SLC7A14: variants seen among roughly 807,000 people sequenced by gnomAD.
The protein encoded by SLC7A14 is solute carrier family 7 member 14, also known as gamma-aminobutyric acid transporter SLC7A14.
A neutral mutation model predicts 60.2 loss-of-function variants in SLC7A14; 37 were observed. The ratio of observed to expected loss-of-function variants is 0.61; its 90% confidence interval spans 0.47 to 0.81. The LOEUF is 0.81. SLC7A14 is among the 30% of genes least tolerant of loss of function. The pLI, the probability that SLC7A14 is intolerant of heterozygous loss-of-function variation, is 0.00. For synonymous variants in SLC7A14, 399 were observed against 395.8 expected (o/e 1.01, Z -0.10); for missense variants, 886 against 982.7 (o/e 0.90, Z 1.32).
intron 1 of SLC7A14, among the ~76,000 whole-genome samples, chr3:170,542,615 G>A (rs542938066): frequency 1.3e-5 from 2 of 152,348 alleles, no homozygotes; most frequent in African/African-American, 4.8e-5. Context: ...AGCACTCAGT[G>A]TTGTTCAAGT....
chr3:170,574,525 T>A (rs1014407768), intron 1 of SLC7A14, among the ~76,000 whole-genome samples: 1 of 152,232 alleles, frequency 6.6e-6, no homozygotes, highest in African/African-American at 2.4e-5. Context: ...TCTGCCCTTT[T>A]TCTTCCTGAG....
intron 2 of SLC7A14, among the ~76,000 whole-genome samples, chr3:170,503,506 G>A (rs958578126): frequency 2.0e-5 from 3 of 152,154 alleles, no homozygotes; most frequent in African/African-American, 7.2e-5. Context: ...TGATGTGTGA[G>A]GAAGGAAGTG....
chr3:170,520,354 T>C (rs1430292293), intron 2 of SLC7A14, among the ~76,000 whole-genome samples: 1 of 152,208 alleles, frequency 6.6e-6, no homozygotes, highest in Non-Finnish European at 1.5e-5. Flanking sequence ...TAAGTGGTAG[T>C]TGCCACTATG....
At chr3:170,572,816 GT>G (rs1156399699) in intron 1 of SLC7A14, among the ~76,000 whole-genome samples, 1 of 152,204 alleles carries the variant, frequency 6.6e-6, no homozygotes, top group Non-Finnish European at 1.5e-5. Context: ...GGAATAGAAA[GT>G]GTGTCAAAAG....
At chr3:170,512,694 C>T (rs930129418) in intron 2 of SLC7A14, among the ~76,000 whole-genome samples, 16 of 108,520 alleles carry the variant, frequency 1.5e-4, no homozygotes, top group Admixed American at 1.3e-3. Flanking sequence ...GACGGAGTCT[C>T]GCTCTGTCGC....
At chr3:170,553,622 A>C (rs929147462) in intron 1 of SLC7A14, among the ~76,000 whole-genome samples, 2 of 152,232 alleles carry the variant, frequency 1.3e-5, no homozygotes, top group African/African-American at 4.8e-5. Flanking sequence ...GATGATGGAA[A>C]TGTCCGGTGG....
intron 2 of SLC7A14, among the ~76,000 whole-genome samples, chr3:170,512,427 G>A (rs897298008): frequency 6.6e-6 from 1 of 152,266 alleles, no homozygotes; most frequent in African/African-American, 2.4e-5. Flanking sequence ...CAACACACAG[G>A]GAGGGGAAGA....
At chr3:170,470,351 T>C (rs1246300639) in intron 7 of SLC7A14, among the ~76,000 whole-genome samples, 1 of 152,014 alleles carries the variant, frequency 6.6e-6, no homozygotes, top group African/African-American at 2.4e-5. Flanking sequence ...TGTGTGTGTG[T>C]CTGTGTCTGC....
intron 1 of SLC7A14, among the ~76,000 whole-genome samples, chr3:170,566,996 TA>T (rs1714809477): frequency 1.3e-5 from 2 of 151,562 alleles, no homozygotes; most frequent in Admixed American, 6.6e-5. Flanking sequence ...TTTTATTTTT[TA>T]TTTTTTTATT....
chr3:170,504,034 A>ATCG (rs1340325242), intron 2 of SLC7A14, among the ~76,000 whole-genome samples: 2 of 152,314 alleles, frequency 1.3e-5, no homozygotes, highest in East Asian at 3.9e-4. Flanking sequence ...GCTTCACGAA[A>ATCG]TCGTTGTTTT....
At chr3:170,483,180 A>G (rs1711889759) in intron 6 of SLC7A14, 134 bp downstream of exon 6, 7 of 1,032,680 alleles carry the variant, frequency 6.8e-6, no homozygotes, top group Admixed American at 6.7e-5. Context: ...ACTTTTCTTC[A>G]GGATACATAA....
At chr3:170,486,777 C>G (rs372019527) in intron 4 of SLC7A14, among the ~76,000 whole-genome samples, 15 of 150,602 alleles carry the variant, frequency 1.0e-4, no homozygotes, top group African/African-American at 3.4e-4. Flanking sequence ...GAGGCTGAGG[C>G]AGGAGAATTG....
At chr3:170,499,895 G>T (rs1712548605) in intron 3 of SLC7A14, among the ~76,000 whole-genome samples, 1 of 152,138 alleles carries the variant, frequency 6.6e-6, no homozygotes, top group African/African-American at 2.4e-5. Context: ...GGACATGAAT[G>T]GCCTGATTTT....
At chr3:170,528,498 C>T (rs1000733425) in intron 1 of SLC7A14, among the ~76,000 whole-genome samples, 4 of 152,286 alleles carry the variant, frequency 2.6e-5, no homozygotes, top group African/African-American at 9.6e-5. Context: ...ACCTCATCTA[C>T]TCATAGTATT....
intron 1 of SLC7A14, among the ~76,000 whole-genome samples, chr3:170,568,690 C>T (rs201148029): frequency 6.6e-6 from 1 of 152,160 alleles, no homozygotes; most frequent in Non-Finnish European, 1.5e-5. Context: ...TTTCATTGAG[C>T]AGTGGTTTGT....
At chr3:170,548,528 T>A (rs1247881215) in intron 1 of SLC7A14, among the ~76,000 whole-genome samples, 8 of 152,218 alleles carry the variant, frequency 5.3e-5, no homozygotes, top group Non-Finnish European at 1.2e-4. Context: ...AGCTGCTGCT[T>A]CTGTTTTATT....
intron 2 of SLC7A14, among the ~76,000 whole-genome samples, chr3:170,511,649 C>A (rs1353785936): frequency 6.6e-6 from 1 of 152,068 alleles, no homozygotes; most frequent in Non-Finnish European, 1.5e-5. Context: ...TTAGCAGTAG[C>A]CTGTGGAGTA....
chr3:170,467,273 C>T lies in SLC7A14; in HGVS notation c.2098G>A (p.Asp700Asn), dbSNP rs1346186214. 1.2e-6 allele frequency: 2 copies of T among 1,614,138 alleles called. No individual in the cohort carries two copies. The highest frequency in any genetic ancestry group is 2.2e-5 in the East Asian group (1 of 44,898). The change falls in exon 8 of 8, where the codon GAC becomes AAC. Residue 700 changes from aspartate (D) to asparagine (N), a missense_variant. Physicochemically the swap from Asp to Asn is conservative, Grantham distance 23 (BLOSUM62 1). Coordinates refer to ENST00000231706, the MANE Select transcript of SLC7A14 (RefSeq NM_020949.3). ...QSTYQRYDVD[D>N]PFSVEEGFSY... ...AAACCCTCCTCCACTGAGAAGGGGTCATCCACGTCGTAGCGTTGGTACGTG... is the reference window on the plus strand; with the variant it reads ...AAACCCTCCTCCACTGAGAAGGGGTTATCCACGTCGTAGCGTTGGTACGTG...
rs556258286 is a variant in SLC7A14 at position 170,462,399 on chromosome 3, G to A, written c.*4656C>T. 1 of 152,312 alleles carries A rather than the reference G, an allele frequency of 6.6e-6. No individual in the cohort carries two copies. The highest frequency in any genetic ancestry group is 2.1e-4 in the South Asian group (1 of 4,826). 9.4% of individuals were successfully genotyped at this position (152,312 alleles called of 1,614,324 possible). On this transcript the variant is annotated 3_prime_UTR_variant, in exon 8 of 8. Coordinates refer to ENST00000231706, the MANE Select transcript of SLC7A14 (RefSeq NM_020949.3). ...ACCCTTTTCAGCAGAATAGAGGAGAGAGATTTCTTTGAAGGAGTTTGTGTT... is the reference window on the plus strand; with the variant it reads ...ACCCTTTTCAGCAGAATAGAGGAGAAAGATTTCTTTGAAGGAGTTTGTGTT...
Sources: allele counts gnomAD v4.1 joint callset (sites outside exome capture counted in the v4.1 genomes callset), GRCh38; gene constraint gnomAD v4.1.1; transcripts MANE v1.5; gene names NCBI Gene and HGNC (gene_info 2026-07-23, HGNC 2026-07-21).